DNAH17: variants seen among roughly 807,000 people sequenced by gnomAD.
The protein encoded by DNAH17 is dynein axonemal heavy chain 17.
A neutral mutation model predicts 485.6 loss-of-function variants in DNAH17; 376 were observed. The ratio of observed to expected loss-of-function variants is 0.77; its 90% CI spans 0.71 to 0.84. The LOEUF is 0.84. DNAH17 is among the 40% of genes least tolerant of loss of function. DNAH17 has a pLI of 0.00. For missense variants in DNAH17, 6,370 were observed against 5,839.3 expected, an observed-to-expected ratio of 1.09 and a Z score of -2.96; for synonymous variants, 3,031 against 2,405.9, an observed-to-expected ratio of 1.26 and a Z score of -7.60.
chr17:78,557,166 C>T (rs1168951458), intron 14 of DNAH17, among the ~76,000 whole-genome samples: 1 of 152,224 alleles, frequency 6.6e-6, no homozygotes, highest in Non-Finnish European at 1.5e-5. Flanking sequence ...ACCGCCACCT[C>T]CTAGCCCCTC....
intron 42 of DNAH17, 26 bp from the exon 43 acceptor site, chr17:78,491,596 C>CG (rs1568144591): frequency 6.2e-7 from 1 of 1,610,314 alleles, no homozygotes; most frequent in East Asian, 2.2e-5. Context: ...GGTATGACCC[C>CG]GGGCCCTTCA....
chr17:78,459,858 C>CT lies in DNAH17; in HGVS notation c.9578dup (p.Val3194GlyfsTer18), dbSNP rs763446537. ...TCAGGGAGTCTAGGAAGGTGTCCAC[C>CT]TTGCCCATCATGATCTTGGCCGCCT... On this transcript the variant is annotated frameshift_variant, in exon 60 of 81. Coordinates refer to ENST00000389840, the MANE Select transcript of DNAH17 (RefSeq NM_173628.4). LOFTEE classifies it high-confidence loss of function. 1.9e-6 allele frequency: 3 copies of CT among 1,614,060 alleles called. No individual in the cohort carries two copies. Among genetic ancestry groups the CT allele is most frequent in the Non-Finnish European group, 2.5e-6 (3 of 1,179,900 alleles).
At position 78,571,387 on chromosome 17, in the gene DNAH17, G is replaced by A; in HGVS notation, c.733-9C>T. ...ACTTTGGGTCTGTTTAGCTGAGAAG[G>A]GGAGTGAAGATCCACCTTTCATTGA... On this transcript the variant is annotated splice_polypyrimidine_tract_variant and intron_variant, in intron 4 of 80. Transcript: ENST00000389840. 2 of 1,606,848 alleles carry A rather than the reference G, an allele frequency of 1.2e-6. No individual in the cohort carries two copies. The highest frequency in any genetic ancestry group is 1.7e-6 in the Non-Finnish European group (2 of 1,173,740).
intron 31 of DNAH17, among the ~76,000 whole-genome samples, chr17:78,503,737 G>A (rs917548461): frequency 3.3e-5 from 5 of 151,956 alleles, no homozygotes; most frequent in African/African-American, 4.8e-5. Context: ...AGGCTGAGGC[G>A]GGTGGATCAC....
At chr17:78,509,509 T>C (rs2090574797) in intron 27 of DNAH17, among the ~76,000 whole-genome samples, 1 of 152,224 alleles carries the variant, frequency 6.6e-6, no homozygotes, top group African/African-American at 2.4e-5. Flanking sequence ...GAATTATATC[T>C]AATAAAGTTT....
chr17:78,522,349 G>T, intron 25 of DNAH17: 1 of 282,872 alleles, frequency 3.5e-6, no homozygotes, highest in South Asian at 3.5e-5. Context: ...TTCTACTCCT[G>T]AGCAAGAAAT....
At chr17:78,491,613 C>T in intron 42 of DNAH17, 43 bp from the exon 43 acceptor site, 3 of 1,597,402 alleles carry the variant, frequency 1.9e-6, no homozygotes, top group East Asian at 2.3e-5. Flanking sequence ...TTCACTCCGG[C>T]CCCATTCCAG....
rs141841021 is a variant in DNAH17 at position 78,446,509 on chromosome 17, G to C, written c.11212-829C>G. 4.6e-5 allele frequency among the ~76,000 whole-genome samples: 7 copies of C among 152,306 alleles called. 1 individual carries two copies. The East Asian group carries it at 1.3e-3, about 29-fold the overall frequency. On this transcript the variant is annotated intron_variant, in intron 69 of 80. Coordinates refer to ENST00000389840, the MANE Select transcript of DNAH17 (RefSeq NM_173628.4). Reference sequence around the variant, plus strand: ...AGATGTGTCAGAACCTCCTTCCTCTGTAAGGCCGAGTAATACTCCATTCTT... The same window carrying C: ...AGATGTGTCAGAACCTCCTTCCTCTCTAAGGCCGAGTAATACTCCATTCTT...
At chr17:78,482,861 A>G (rs1170398500) in intron 48 of DNAH17, among the ~76,000 whole-genome samples, 1 of 152,210 alleles carries the variant, frequency 6.6e-6, no homozygotes, top group Non-Finnish European at 1.5e-5. Flanking sequence ...GGTAAACTCC[A>G]GGGCAGATGT....
chr17:78,441,175 G>A lies in DNAH17; in HGVS notation c.11553C>T (p.Gly3851=), dbSNP rs2087060022. The A allele has an allele frequency of 1.2e-6, 2 of 1,613,770 alleles. No homozygotes were observed. The highest frequency in any genetic ancestry group is 2.7e-5 in the African/African-American group (2 of 74,940). ...CACTCCGGCCTTCCACGAACTTGCTGCCCATCTTTTCCTCCACGAAGTTCC... is the reference window on the plus strand; with the variant it reads ...CACTCCGGCCTTCCACGAACTTGCTACCCATCTTTTCCTCCACGAAGTTCC... ...AIKNFVEEKM[G]SKFVEGRSVE... is the part of the protein sequence containing the mutation. The change falls in exon 72 of 81, where the codon GGC becomes GGT. Residue 3851 remains glycine, a synonymous_variant. Coordinates refer to ENST00000389840, the MANE Select transcript of DNAH17 (RefSeq NM_173628.4).
At chr17:78,428,238 G>T in intron 77 of DNAH17, 1 of 468,402 alleles carries the variant, frequency 2.1e-6, no homozygotes, top group South Asian at 2.1e-5. Flanking sequence ...GAAGCTGGAA[G>T]ACTGCAGGGT....
At chr17:78,520,136 A>C (rs12453829) in intron 25 of DNAH17, among the ~76,000 whole-genome samples, 41,797 of 152,078 alleles carry the variant, frequency 0.27, 5,991 homozygotes, top group Middle Eastern at 0.33. Flanking sequence ...CAGTGTAATC[A>C]ATTATCTTAG....
chr17:78,575,132 T>C, intron 1 of DNAH17, 50 bp from the exon 2 acceptor site: 1 of 1,215,894 alleles, frequency 8.2e-7, no homozygotes. Context: ...GGCTCCCCAA[T>C]TTCCCACCCA....
At chr17:78,502,137 G>A (rs2090318967) in intron 33 of DNAH17, 3 of 500,944 alleles carry the variant, frequency 6.0e-6, no homozygotes, top group Non-Finnish European at 1.1e-5. Flanking sequence ...AGCAAAAACA[G>A]CTGACTTTAA....
chr17:78,465,683 C>T (rs1244608909), intron 56 of DNAH17, among the ~76,000 whole-genome samples: 4 of 150,016 alleles, frequency 2.7e-5, no homozygotes, highest in Non-Finnish European at 4.4e-5. Context: ...GTGAGGAGAC[C>T]CTCTGCCCGG....
rs772741267 is a variant in DNAH17, at chr17:78,560,775, C to T, written c.1996G>A (p.Ala666Thr). The T allele has an allele frequency of 1.0e-5, 16 of 1,552,096 alleles. No individual in the cohort carries two copies. Among genetic ancestry groups the T allele is most frequent in the African/African-American group, 2.7e-5 (2 of 73,066 alleles). Residue 666 changes from alanine to threonine, a missense_variant, in exon 13 of 81, where the codon GCT becomes ACT. By Grantham distance (58) the Ala-to-Thr change is moderately conservative. Transcript: ENST00000389840. Reference protein sequence around the residue: ...LGQPLILRDAASNLIHVNFSK... With the variant: ...LGQPLILRDATSNLIHVNFSK... ...AAGTTGACGTGGATGAGGTTGCTAG[C>T]GGCGTCCCGCAGAATCAGCGGCTGC...
chr17:78,537,404 C>T lies in DNAH17; in HGVS notation c.2754G>A (p.Val918=). Residue 918 remains valine (V), a synonymous_variant, in exon 19 of 81, where the codon GTG becomes GTA. Coordinates refer to ENST00000389840, the MANE Select transcript of DNAH17 (RefSeq NM_173628.4). ...DGLTFNPTLE[V]GSDRGFLALI... ...GTGCCAGGAAGCCGCGATCTGAGCC[C>T]ACCTCCAGGGTCGGGTTGAAGGTCA... 2.5e-6 allele frequency: 4 copies of T among 1,613,330 alleles called. No individual in the cohort carries two copies. Among genetic ancestry groups the T allele is most frequent in the Admixed American group, 1.7e-5 (1 of 59,990 alleles).
In DNAH17 at chr17:78,494,819, T is replaced by A. The variant is rs759695662; in HGVS notation, c.6044A>T (p.Asp2015Val). 1.2e-6 allele frequency: 2 copies of A among 1,600,922 alleles called. No individual in the cohort carries two copies. The highest frequency in any genetic ancestry group is 2.2e-5 in the East Asian group (1 of 44,690). ...GGCTCTCAGGCCCCAGTCGTAATGA[T>A]CCTGCGGGCAGTGGGCACAGGTGGG... ...TLCKELLSKQ[D>V]HYDWGLRAIK... The change falls in exon 40 of 81, where the codon GAT (aspartate) becomes GTT (valine). Residue 2015 changes from aspartate to valine, a missense_variant and splice_region_variant. Transcript: ENST00000389840.
At chr17:78,537,188 A>AG in intron 19 of DNAH17, 111 bp downstream of exon 19, 2 of 1,157,528 alleles carry the variant, frequency 1.7e-6, no homozygotes, top group Non-Finnish European at 2.2e-6. Context: ...AAAAAAAAAA[A>AG]AAGAAAAAAA....
Sources: gnomAD v4.1 joint callset for allele counts (sites outside exome capture counted in the v4.1 genomes callset) on GRCh38, gnomAD v4.1.1 for gene constraint, MANE v1.5 for transcripts, NCBI Gene and HGNC (gene_info 2026-07-23, HGNC 2026-07-21) for gene names.